RRM2: variants seen among roughly 807,000 people sequenced by gnomAD.
The protein encoded by RRM2 is ribonucleotide reductase regulatory subunit M2.
In RRM2, 6 loss-of-function variants were observed where a neutral mutation model predicts 45.9. That is an observed-to-expected ratio of 0.13 (90% CI 0.07 to 0.26). The LOEUF is 0.26. RRM2 is among the 10% of genes least tolerant of loss of function. RRM2 has a pLI of 1.00. For missense variants in RRM2, 343 were observed against 489.5 expected (o/e 0.70, Z 2.82); for synonymous variants, 177 against 173.0 (o/e 1.02, Z -0.18).
At chr2:10,196,196 G>C (rs985201421) in intron 3 of RRM2, among the ~76,000 whole-genome samples, 5 of 152,226 alleles carry the variant, frequency 3.3e-5, no homozygotes, top group Admixed American at 6.5e-5. Context: ...TAAGCAGTGA[G>C]GAGCTTCAGA....
chr2:10,179,982 C>T (rs1053573303), intron 3 of RRM2, among the ~76,000 whole-genome samples: 1 of 152,220 alleles, frequency 6.6e-6, no homozygotes, highest in Non-Finnish European at 1.5e-5. Context: ...AAGCCCTCCA[C>T]CCAGAGCCAC....
rs1038622564 is a variant in RRM2 at position 10,127,589 on chromosome 2, C to T, written c.798+369C>T. On this transcript the variant is annotated intron_variant, in intron 7 of 9. Coordinates refer to ENST00000304567, the MANE Select transcript of RRM2 (RefSeq NM_001034.4). This position sits in a 1 kb window ranked among gnomAD's most constrained non-coding sequence, Gnocchi z 4.1. The stretch of plus-strand genomic sequence containing the variant: ...TCCTAGGTTCAAGTGATTCTCCCGC[C>T]TCAGCCTCCCAAGTAGCTGGGATTG... Among the ~76,000 whole-genome samples the T allele has an allele frequency of 6.6e-6, 1 of 152,136 alleles. No homozygotes were observed. The highest frequency in any genetic ancestry group is 1.5e-5 in the Non-Finnish European group (1 of 68,034).
In RRM2 at chr2:10,122,742, C is replaced by T. The variant is rs1344414475; in HGVS notation, c.-57C>T. 1.3e-6 allele frequency: 2 copies of T among 1,554,296 alleles called. No homozygotes were observed. Among genetic ancestry groups the T allele is most frequent in the South Asian group, 2.4e-5 (2 of 84,266 alleles). On this transcript the variant is annotated 5_prime_UTR_variant, in exon 1 of 10. Coordinates refer to ENST00000304567, the MANE Select transcript of RRM2 (RefSeq NM_001034.4). ...CTGCTGGAGTGAGGGGTCGCCCGTG[C>T]ACCCTGTCCCAGCCGTCCTGTCCTG...
intron 3 of RRM2, among the ~76,000 whole-genome samples, chr2:10,199,716 C>A (rs1314668181): frequency 1.6e-5 from 2 of 125,212 alleles, no homozygotes; most frequent in Non-Finnish European, 3.1e-5. Context: ...GAAGGTGGAG[C>A]TTGCAGTGAA....
intron 3 of RRM2, among the ~76,000 whole-genome samples, chr2:10,183,104 G>A (rs576342184): frequency 6.6e-6 from 1 of 152,188 alleles, no homozygotes; most frequent in Non-Finnish European, 1.5e-5. Context: ...CCTGGAATTC[G>A]AGACTGCAGC....
chr2:10,123,263 G>T, intron 2 of RRM2, 124 bp from the exon 3 acceptor site: 2 of 1,339,060 alleles, frequency 1.5e-6, no homozygotes, highest in East Asian at 2.4e-5. Flanking sequence ...GAGTGCGACG[G>T]GACAGCCACG....
At chr2:10,123,262 G>C in intron 2 of RRM2, 125 bp from the exon 3 acceptor site, 1 of 1,334,536 alleles carries the variant, frequency 7.5e-7, no homozygotes, top group Non-Finnish European at 1.0e-6. Context: ...GGAGTGCGAC[G>C]GGACAGCCAC....
intron 3 of RRM2, among the ~76,000 whole-genome samples, chr2:10,166,700 T>C (rs1258519559): frequency 1.3e-5 from 2 of 152,220 alleles, no homozygotes; most frequent in Non-Finnish European, 1.5e-5. Flanking sequence ...CCTCGCCCTG[T>C]TCCCTATGGC....
intron 3 of RRM2, chr2:10,199,176 ACT>A (rs1012242010): frequency 3.4e-5 from 5 of 147,710 alleles, no homozygotes; most frequent in African/African-American, 9.9e-5. Context: ...TGGGTAGCAC[ACT>A]CTGCCTCAGA....
intron 3 of RRM2, among the ~76,000 whole-genome samples, chr2:10,206,538 C>CA (rs111247375): frequency 6.6e-6 from 1 of 151,722 alleles, no homozygotes; most frequent in East Asian, 1.9e-4. Context: ...AAAAGAGAGG[C>CA]AAAAAAAGGT....
intron 3 of RRM2, among the ~76,000 whole-genome samples, chr2:10,191,138 G>A (rs1451544113): frequency 6.6e-6 from 1 of 152,232 alleles, no homozygotes; most frequent in African/African-American, 2.4e-5. Flanking sequence ...CTGAGGACAA[G>A]GAAGTCAGGA....
intron 3 of RRM2, among the ~76,000 whole-genome samples, chr2:10,154,577 A>T (rs183313951): frequency 1.0e-3 from 157 of 151,502 alleles, no homozygotes; most frequent in African/African-American, 3.7e-3. Context: ...CAAGCAAGTG[A>T]TCTTGAGGGG....
At chr2:10,206,916 G>A (rs1252681810) in intron 3 of RRM2, among the ~76,000 whole-genome samples, 4 of 152,178 alleles carry the variant, frequency 2.6e-5, no homozygotes, top group African/African-American at 9.7e-5. Flanking sequence ...GCAAAATAAA[G>A]CCATTTTCGG....
At chr2:10,187,237 A>G (rs1350128042) in intron 3 of RRM2, among the ~76,000 whole-genome samples, 3 of 152,188 alleles carry the variant, frequency 2.0e-5, no homozygotes, top group Non-Finnish European at 4.4e-5. Context: ...CCGCAGGAAG[A>G]TCAGCTCTGA....
At chr2:10,188,762 T>C (rs1664221544) in intron 3 of RRM2, among the ~76,000 whole-genome samples, 1 of 152,088 alleles carries the variant, frequency 6.6e-6, no homozygotes, top group African/African-American at 2.4e-5. Flanking sequence ...CCACCAGCAC[T>C]GCAAACACAC....
rs1662804616 is a variant in RRM2 at position 10,127,506 on chromosome 2, C to T, written c.798+286C>T. On this transcript the variant is annotated intron_variant, in intron 7 of 9. Coordinates refer to ENST00000304567, the MANE Select transcript of RRM2 (RefSeq NM_001034.4). The surrounding 1 kb of genome is among the most constrained non-coding windows in gnomAD (Gnocchi z 4.1). Reference sequence around the variant, plus strand: ...TGTTTTTTGAGGTGACGGAATCTTGCTCTGTCGTTCCAGGCTGGAGTGCAA... The same window carrying T: ...TGTTTTTTGAGGTGACGGAATCTTGTTCTGTCGTTCCAGGCTGGAGTGCAA... The T allele has an allele frequency of 3.5e-6, 1 of 288,594 alleles. No individual in the cohort carries two copies. Among genetic ancestry groups the T allele is most frequent in the African/African-American group, 2.2e-5 (1 of 45,652 alleles). The allele number at this position is 288,594 out of a possible 1,614,324, so 17.9% of individuals were successfully genotyped here.
At chr2:10,175,814 C>T (rs1663904279) in intron 3 of RRM2, among the ~76,000 whole-genome samples, 2 of 151,962 alleles carry the variant, frequency 1.3e-5, no homozygotes, top group African/African-American at 2.4e-5. Flanking sequence ...CCATGTTGAC[C>T]AGGCTGGTCT....
chr2:10,134,243 C>T (rs1011304445), downstream of RRM2, among the ~76,000 whole-genome samples: 6 of 148,452 alleles, frequency 4.0e-5, no homozygotes, highest in African/African-American at 1.5e-4. Context: ...CTTTTGGGAA[C>T]AAAGAAAGTG....
At chr2:10,173,175 G>A (rs928340481) in intron 3 of RRM2, among the ~76,000 whole-genome samples, 3 of 152,096 alleles carry the variant, frequency 2.0e-5, no homozygotes, top group Admixed American at 6.5e-5. Context: ...TACCTCCTAG[G>A]ATCATCATGA....
Sources: allele counts gnomAD v4.1 joint callset (sites outside exome capture counted in the v4.1 genomes callset), GRCh38; gene constraint gnomAD v4.1.1; non-coding constraint Gnocchi (gnomAD v3.1); transcripts MANE v1.5; gene names NCBI Gene and HGNC (gene_info 2026-07-23, HGNC 2026-07-21).